The following DEAF1 variants were observed in gnomAD, a reference collection of about 807,000 sequenced individuals.
DEAF1 encodes DEAF1 transcription factor, also known as deformed epidermal autoregulatory factor 1 homolog.
A neutral mutation model predicts 58.9 loss-of-function variants in DEAF1; 53 were observed. The ratio of observed to expected loss-of-function variants is 0.90; its 90% CI spans 0.72 to 1.13. The LOEUF (loss-of-function observed/expected upper bound fraction) is 1.13. Ranked by LOEUF, DEAF1 falls within the 50% of genes most tolerant of loss-of-function variation. The pLI, the probability that DEAF1 is intolerant of heterozygous loss-of-function variation, is 0.00. For missense variants in DEAF1, 685 were observed against 791.4 expected (o/e 0.87, Z 1.61); for synonymous variants, 385 against 340.4 (o/e 1.13, Z -1.44).
chr11:664,200 C>T (rs1449336949), intron 10 of DEAF1, among the ~76,000 whole-genome samples: 1 of 149,216 alleles, frequency 6.7e-6, no homozygotes, highest in Non-Finnish European at 1.5e-5. Context: ...GCAACAAGAG[C>T]GAAACTCTGT....
chr11:680,570 G>A (rs1277593974), intron 7 of DEAF1, among the ~76,000 whole-genome samples: 1 of 152,144 alleles, frequency 6.6e-6, no homozygotes, highest in Admixed American at 6.5e-5. Flanking sequence ...GGATCCTGAC[G>A]CCGCCCTCCA....
At chr11:680,925 C>G (rs778876902) in intron 7 of DEAF1, 38 bp downstream of exon 7, 16 of 1,613,656 alleles carry the variant, frequency 9.9e-6, no homozygotes, top group Non-Finnish European at 1.4e-5. Context: ...GCACTCAGGT[C>G]CCCTCAGTAA....
chr11:690,410 A>G (rs1269962076), intron 2 of DEAF1, among the ~76,000 whole-genome samples: 1 of 146,078 alleles, frequency 6.8e-6, no homozygotes, highest in Non-Finnish European at 1.5e-5. Flanking sequence ...TTTTTACTGA[A>G]GTCCTTCACA....
At chr11:693,797 G>A (rs979179098) in intron 1 of DEAF1, among the ~76,000 whole-genome samples, 1 of 152,236 alleles carries the variant, frequency 6.6e-6, no homozygotes, top group East Asian at 1.9e-4. Flanking sequence ...ACTGACCTGT[G>A]TGGCAAGAAA....
At chr11:693,032 C>G (rs184538696) in intron 1 of DEAF1, among the ~76,000 whole-genome samples, 1 of 152,186 alleles carries the variant, frequency 6.6e-6, no homozygotes, top group Non-Finnish European at 1.5e-5. Flanking sequence ...CCTCCTCAGG[C>G]GGCAGCGTGT....
intron 1 of DEAF1, among the ~76,000 whole-genome samples, chr11:701,497 G>A (rs11246270): frequency 0.89 from 131,188 of 147,590 alleles, 58,460 homozygotes; most frequent in East Asian, 1. Context: ...TGCAAGCTCC[G>A]CCTCCCGGGT....
At chr11:704,785 C>T (rs1472400625) in intron 1 of DEAF1, 3 of 586,666 alleles carry the variant, frequency 5.1e-6, no homozygotes, top group South Asian at 3.7e-5. Flanking sequence ...GGGCAGGCTC[C>T]GCACTCAAAA....
rs542922928 is a variant in DEAF1, at chr11:679,892, C to T, written c.998-76G>A. The T allele has an allele frequency of 2.3e-5, 37 of 1,593,500 alleles. No individual in the cohort carries two copies. In the East Asian group the frequency reaches 5.8e-4, roughly 25 times the overall value. On this transcript the variant is annotated intron_variant, in intron 7 of 11. Coordinates refer to ENST00000382409, the MANE Select transcript of DEAF1 (RefSeq NM_021008.4). ...ACACAGGTCCCGTGCCACCCACGGG[C>T]GCCAATCCTTGTGGGGGCCTGGGCT...
intron 10 of DEAF1, among the ~76,000 whole-genome samples, chr11:661,410 T>C (rs535296622): frequency 0.013 from 2,024 of 152,200 alleles, 44 homozygotes; most frequent in African/African-American, 0.045. Context: ...TTTTTTTTTT[T>C]TTAAATTCCA....
At chr11:684,683 T>C (rs1463573406) in intron 6 of DEAF1, among the ~76,000 whole-genome samples, 1 of 152,200 alleles carries the variant, frequency 6.6e-6, no homozygotes, top group African/African-American at 2.4e-5. Context: ...GAGCAACATC[T>C]TGGGGGCCAA....
At chr11:667,945 C>G (rs1229691560) in intron 10 of DEAF1, among the ~76,000 whole-genome samples, 1 of 151,482 alleles carries the variant, frequency 6.6e-6, no homozygotes, top group Admixed American at 6.6e-5. Flanking sequence ...AACCCCGTCT[C>G]TACCAAAAAT....
At chr11:703,775 AT>A in intron 1 of DEAF1, 1 of 1,233,072 alleles carries the variant, frequency 8.1e-7, no homozygotes, top group Non-Finnish European at 1.0e-6. Flanking sequence ...AGCAATTTCC[AT>A]CTTAGCCACA....
intron 10 of DEAF1, among the ~76,000 whole-genome samples, chr11:662,284 TA>T (rs1331652596): frequency 6.6e-6 from 1 of 151,846 alleles, no homozygotes; most frequent in African/African-American, 2.4e-5. Flanking sequence ...TTCCGTCTCA[TA>T]AAACAAAAAA....
intron 1 of DEAF1, chr11:704,008 T>C: frequency 1.7e-6 from 2 of 1,209,104 alleles, no homozygotes; most frequent in Non-Finnish European, 2.1e-6. Flanking sequence ...GCTGTTACAG[T>C]AGCTTTCCCT....
At chr11:670,973 G>C (rs1859798897) in intron 10 of DEAF1, among the ~76,000 whole-genome samples, 1 of 128,708 alleles carries the variant, frequency 7.8e-6, no homozygotes, top group Admixed American at 8.8e-5. Flanking sequence ...TTGTCACCCA[G>C]GCTGGAGTGC....
rs1034416721 is a variant in DEAF1, at chr11:687,859, GGGGGGTTACAAA to G, written c.664+40_664+51del. 1.9e-6 allele frequency: 3 copies of G among 1,608,238 alleles called. No individual in the cohort carries two copies. The African/African-American group carries it at 4.0e-5, about 21-fold the overall frequency. Reference sequence around the variant, plus strand: ...CTTTCTCAGCCCCCAATTTATGCTAGGGGGGTTACAAAGGGGAATACAACTTTGGAGTCTGAA... The same window carrying G: ...CTTTCTCAGCCCCCAATTTATGCTAGGGGGAATACAACTTTGGAGTCTGAA... On this transcript the variant is annotated intron_variant, in intron 4 of 11. Coordinates refer to ENST00000382409, the MANE Select transcript of DEAF1 (RefSeq NM_021008.4).
chr11:678,669 C>T (rs1564943215), intron 9 of DEAF1, 25 bp downstream of exon 9: 29 of 1,613,714 alleles, frequency 1.8e-5, no homozygotes, highest in Non-Finnish European at 2.4e-5. Context: ...ATAACCTGTA[C>T]ATGTGTGAAT....
At chr11:653,106 AAAAAG>A (rs1427782055) in intron 11 of DEAF1, among the ~76,000 whole-genome samples, 2 of 151,396 alleles carry the variant, frequency 1.3e-5, no homozygotes, top group African/African-American at 2.4e-5. Context: ...AAAAAAAAAA[AAAAAG>A]AGTGACTAAA....
intron 10 of DEAF1, among the ~76,000 whole-genome samples, chr11:659,288 G>C (rs1378189402): frequency 1.3e-5 from 2 of 151,928 alleles, no homozygotes; most frequent in African/African-American, 2.4e-5. Context: ...AGCTACCAGA[G>C]AGGCTGAGGT....
Sources: gnomAD v4.1 joint callset for allele counts (sites outside exome capture counted in the v4.1 genomes callset) on GRCh38, gnomAD v4.1.1 for gene constraint, MANE v1.5 for transcripts, NCBI Gene and HGNC (gene_info 2026-07-23, HGNC 2026-07-21) for gene names.